Variants in JADE3 observed in about 807,000 individuals in gnomAD.
JADE3 encodes the protein jade family PHD finger 3, also known as protein Jade-3.
JADE3 carries 2 observed loss-of-function variants against 50.1 expected under a neutral mutation model. The observed-to-expected ratio is 0.04, with a 90% confidence interval of 0.02 to 0.13. The LOEUF (loss-of-function observed/expected upper bound fraction) is 0.13. Ranked by LOEUF, JADE3 falls within the 10% of genes least tolerant of loss-of-function variation. JADE3 has a pLI of 1.00. For synonymous variants in JADE3, 218 were observed against 232.9 expected (o/e 0.94, Z 0.58); for missense variants, 475 against 634.4 (o/e 0.75, Z 2.70).
At chrX:47,050,449 G>A (rs782437523) in intron 8 of JADE3, among the ~76,000 whole-genome samples, 57 of 111,039 alleles carry the variant, frequency 5.1e-4, no homozygotes, top group Non-Finnish European at 9.4e-4. Context: ...GTTAACTGTC[G>A]TCACCCTGTG....
intron 1 of JADE3, among the ~76,000 whole-genome samples, chrX:46,958,415 T>C (rs1363604491): frequency 3.6e-5 from 4 of 112,103 alleles, no homozygotes; most frequent in Admixed American, 9.5e-5. Context: ...AATTCATCTA[T>C]GTTACTCATC....
intron 7 of JADE3, among the ~76,000 whole-genome samples, chrX:47,036,255 T>C (rs1029456297): frequency 5.4e-5 from 6 of 111,064 alleles, no homozygotes; most frequent in Non-Finnish European, 1.1e-4. Flanking sequence ...GTCAGATGAG[T>C]AGGTTGTGAA....
In JADE3 at chrX:46,923,291, A is replaced by G. The variant is rs781876017; in HGVS notation, c.-12+10572A>G. ...TGACCTCTCAAAGTGCTGGGATTAC[A>G]AGTGTGAGCCACTGCGCCCAGCAAG... On this transcript the variant is annotated intron_variant, in intron 1 of 10. Coordinates refer to ENST00000614628, the MANE Select transcript of JADE3 (RefSeq NM_014735.5). 1.1e-3 allele frequency among the ~76,000 whole-genome samples: 119 copies of G among 107,603 alleles called. 1 individual carries two copies. Among genetic ancestry groups the G allele is most frequent in the African/African-American group, 3.8e-3 (113 of 29,938 alleles). The allele number at this position is 107,603 out of a possible 115,157, so 93.4% of individuals were successfully genotyped here.
At chrX:47,037,497 A>G (rs1929160105) in intron 7 of JADE3, among the ~76,000 whole-genome samples, 1 of 112,083 alleles carries the variant, frequency 8.9e-6, no homozygotes, top group Admixed American at 9.5e-5. Context: ...CCATTACGGT[A>G]ACCTTGGCTG....
chrX:46,950,230 T>C (rs782316038), intron 1 of JADE3, among the ~76,000 whole-genome samples: 1 of 112,289 alleles, frequency 8.9e-6, no homozygotes, highest in East Asian at 2.8e-4. Flanking sequence ...TGTGCAACCA[T>C]CTCCATAACT....
chrX:46,992,191 C>T (rs1463446924), intron 3 of JADE3, among the ~76,000 whole-genome samples: 2 of 111,091 alleles, frequency 1.8e-5, no homozygotes, highest in Non-Finnish European at 3.8e-5. Flanking sequence ...ATACCCTTCC[C>T]CTGCAGATGA....
intron 4 of JADE3, among the ~76,000 whole-genome samples, chrX:47,016,796 A>G: frequency 9.1e-6 from 1 of 109,956 alleles, no homozygotes; most frequent in Non-Finnish European, 1.9e-5. Flanking sequence ...CTGGAACTAC[A>G]GGCACAAGCT....
At chrX:46,976,586 T>C (rs1179943683) in intron 1 of JADE3, among the ~76,000 whole-genome samples, 2 of 112,012 alleles carry the variant, frequency 1.8e-5, no homozygotes, top group Non-Finnish European at 3.8e-5. Flanking sequence ...AAAGAATGCC[T>C]TTATAAAGTC....
chrX:46,948,217 T>C (rs1366372217), intron 1 of JADE3, among the ~76,000 whole-genome samples: 2 of 112,518 alleles, frequency 1.8e-5, no homozygotes, highest in African/African-American at 6.5e-5. Context: ...ATTTCTCAGC[T>C]TTGATAATTG....
chrX:47,029,831 T>C (rs1181842767), intron 6 of JADE3, among the ~76,000 whole-genome samples: 1 of 111,819 alleles, frequency 8.9e-6, no homozygotes, highest in African/African-American at 3.2e-5. Flanking sequence ...TATCTCACAA[T>C]ACAAGCCCAG....
intron 1 of JADE3, 115 bp from the exon 2 acceptor site, chrX:46,984,769 C>T (rs1295184484): frequency 2.0e-6 from 1 of 512,722 alleles, no homozygotes; most frequent in Non-Finnish European, 3.5e-6. Context: ...TGACAAAAAT[C>T]ATTCAGTTTG....
chrX:47,005,039 A>G lies in JADE3; in HGVS notation c.284+6762A>G, dbSNP rs149848662. 1.7e-3 allele frequency among the ~76,000 whole-genome samples: 185 copies of G among 111,636 alleles called. 1 individual carries two copies. The East Asian group carries it at 0.034, about 20-fold the overall frequency. On this transcript the variant is annotated intron_variant, in intron 4 of 10. Transcript: ENST00000614628. ...TTGAAAGATCAGGAGAAGAAAGCAGAACAGCTAGAGTCCTTGAGACCTGAG... is the reference window on the plus strand; with the variant it reads ...TTGAAAGATCAGGAGAAGAAAGCAGGACAGCTAGAGTCCTTGAGACCTGAG...
At chrX:46,959,541 C>T (rs1556347256) in intron 1 of JADE3, among the ~76,000 whole-genome samples, 1 of 111,807 alleles carries the variant, frequency 8.9e-6, no homozygotes, top group East Asian at 2.8e-4. Flanking sequence ...AATGTGCCCA[C>T]AGTGATAAAG....
At chrX:46,986,033 C>T (rs782292848) in intron 3 of JADE3, among the ~76,000 whole-genome samples, 4 of 111,118 alleles carry the variant, frequency 3.6e-5, no homozygotes, top group Admixed American at 9.6e-5. Context: ...CACCTCCTCC[C>T]ATTCTCTCTT....
intron 6 of JADE3, among the ~76,000 whole-genome samples, chrX:47,030,240 T>C (rs903036056): frequency 1.8e-5 from 2 of 111,555 alleles, no homozygotes; most frequent in Non-Finnish European, 3.8e-5. Context: ...TGGGACAAAA[T>C]AGTAAGTATT....
rs1556373983 is a variant in JADE3 at position 47,058,548 on chromosome X, G to A, written c.1943G>A (p.Gly648Glu). 1 of 1,209,437 alleles carries A rather than the reference G, an allele frequency of 8.3e-7. No homozygotes were observed. The stretch of plus-strand genomic sequence containing the variant: ...CTGGTCCTTCAGGCTGCCCTCCATG[G>A]ACAGTCTTCCATTGGGAATGGGAAA... ...KPLVLQAALH[G>E]QSSIGNGKSQ... is the part of the protein sequence containing the mutation. Residue 648 changes from glycine (G) to glutamate (E), a missense_variant, in exon 11 of 11, where the codon GGA (glycine) becomes GAA (glutamate). By Grantham distance (98) the Gly-to-Glu change is moderately conservative (BLOSUM62 -2). Around this residue, in one of 6 missense-constraint regions of JADE3, gnomAD observed 243 missense variants for 238.2 expected, o/e 1.02. Transcript: ENST00000614628.
intron 4 of JADE3, among the ~76,000 whole-genome samples, chrX:46,998,702 A>G (rs782258828): frequency 5.6e-4 from 62 of 109,887 alleles, no homozygotes; most frequent in Non-Finnish European, 7.4e-4. Context: ...TTGTTTGTTT[A>G]TTTATTTTGA....
At chrX:46,984,259 T>C (rs1556353863) in intron 1 of JADE3, among the ~76,000 whole-genome samples, 1 of 112,476 alleles carries the variant, frequency 8.9e-6, no homozygotes, top group Non-Finnish European at 1.9e-5. Context: ...TTGGAAGTTT[T>C]AGTCCAAAGC....
intron 9 of JADE3, 151 bp from the exon 10 acceptor site, chrX:47,055,931 T>C (rs1407528919): frequency 1.3e-5 from 5 of 399,900 alleles, no homozygotes; most frequent in Non-Finnish European, 2.3e-5. Flanking sequence ...TGTGAATTCC[T>C]GTGGAGTGGG....
Sources: allele counts gnomAD v4.1 joint callset (sites outside exome capture counted in the v4.1 genomes callset), GRCh38; gene constraint gnomAD v4.1.1; regional missense constraint gnomAD v4.1.1; transcripts MANE v1.5; gene names NCBI Gene and HGNC (gene_info 2026-07-23, HGNC 2026-07-21).